Variants in ZNF395 observed in about 807,000 individuals in gnomAD.
The protein encoded by ZNF395 is HD gene regulatory region-binding protein 2.
ZNF395 carries 20 observed loss-of-function variants against 57.7 expected under a neutral mutation model. The observed-to-expected ratio is 0.35, with a 90% CI of 0.24 to 0.50. The LOEUF is 0.50. Ranked by LOEUF, ZNF395 falls within the 20% of genes least tolerant of loss-of-function variation. The pLI is 0.97. For synonymous variants in ZNF395, 295 were observed against 275.9 expected, an observed-to-expected ratio of 1.07 and a Z score of -0.69; for missense variants, 606 against 671.2, an observed-to-expected ratio of 0.90 and a Z score of 1.07.
chr8:28,374,481 T>A (rs1978677), intron 1 of ZNF395, among the ~76,000 whole-genome samples: 80,751 of 151,658 alleles, frequency 0.53, 24,274 homozygotes, highest in East Asian at 0.82. Flanking sequence ...ATTTTTTTTT[T>A]AAAAAGAAAA....
At chr8:28,376,185 G>C (rs1324032073) in intron 1 of ZNF395, among the ~76,000 whole-genome samples, 4 of 151,850 alleles carry the variant, frequency 2.6e-5, no homozygotes, top group Non-Finnish European at 5.9e-5. Flanking sequence ...ATGTTGCCCG[G>C]GCTGGTCTCG....
Position 28,356,862 on chromosome 8 carries a change from G to T in ZNF395, c.474-83C>A. On this transcript the variant is annotated intron_variant, in intron 3 of 9. Transcript: ENST00000344423. The surrounding 1 kb of genome is among the most constrained non-coding windows in gnomAD (Gnocchi z 4.0). ...CTTGCAAAACGAGACACCACTTCTG[G>T]CTGGTTTCACACAATCATCTTACAC... 8.9e-7 allele frequency: 1 copy of T among 1,123,530 alleles called. No homozygotes were observed. Among genetic ancestry groups the T allele is most frequent in the Non-Finnish European group, 1.3e-6 (1 of 776,418 alleles). 69.6% of individuals were successfully genotyped at this position (1,123,530 alleles called of 1,614,324 possible).
Position 28,352,062 on chromosome 8 carries a change from G to A in ZNF395, c.921-255C>T, listed in dbSNP as rs1258306548. ...TGTGCCAACCTCTCCTCTGGCAGGA[G>A]GCATCCCACACTGAGCACGACCACG... On this transcript the variant is annotated intron_variant, in intron 6 of 9. Transcript: ENST00000344423. This position sits in a 1 kb window ranked among gnomAD's most constrained non-coding sequence, Gnocchi z 4.0. Among the ~76,000 whole-genome samples the A allele has an allele frequency of 1.3e-5, 2 of 152,196 alleles. No individual in the cohort carries two copies. Among genetic ancestry groups the A allele is most frequent in the Non-Finnish European group, 1.5e-5 (1 of 68,020 alleles).
chr8:28,378,828 G>A (rs1281404495), intron 1 of ZNF395, among the ~76,000 whole-genome samples: 1 of 152,106 alleles, frequency 6.6e-6, no homozygotes, highest in Admixed American at 6.5e-5. Flanking sequence ...CTTGAATACC[G>A]CCAACAGCCG....
intron 1 of ZNF395, among the ~76,000 whole-genome samples, chr8:28,366,269 T>C (rs1205992881): frequency 6.6e-6 from 1 of 152,240 alleles, no homozygotes; most frequent in Admixed American, 6.5e-5. Flanking sequence ...TTTTATTATC[T>C]CCACCGGGTA....
Position 28,373,934 on chromosome 8 carries a change from A to G in ZNF395, c.-59+12459T>C, listed in dbSNP as rs550688037. 4.6e-5 allele frequency among the ~76,000 whole-genome samples: 7 copies of G among 152,338 alleles called. No homozygotes were observed. The South Asian group carries it at 1.4e-3, about 32-fold the overall frequency. On this transcript the variant is annotated intron_variant, in intron 1 of 9. Coordinates refer to ENST00000344423, the MANE Select transcript of ZNF395 (RefSeq NM_018660.3). ...CCATAATGCATCTTTGTTACAATGT[A>G]CAACTCAAGAACCCTACGGCCCAGC...
intron 1 of ZNF395, among the ~76,000 whole-genome samples, chr8:28,372,227 T>C (rs1801985362): frequency 6.6e-6 from 1 of 152,028 alleles, no homozygotes; most frequent in African/African-American, 2.4e-5. Flanking sequence ...TGCCTTGATT[T>C]TGTTAAGAGT....
intron 4 of ZNF395, among the ~76,000 whole-genome samples, chr8:28,353,622 A>G (rs146955091): frequency 1.8e-3 from 275 of 152,342 alleles, no homozygotes; most frequent in African/African-American, 6.0e-3. Context: ...TATAGGATTC[A>G]TACAAAGAGA....
chr8:28,379,591 C>T (rs1031822378), intron 1 of ZNF395, among the ~76,000 whole-genome samples: 11 of 152,284 alleles, frequency 7.2e-5, no homozygotes, highest in East Asian at 1.9e-4. Context: ...AAAATCCCAA[C>T]GCTTTTTTTC....
chr8:28,359,533 AC>A lies in ZNF395; in HGVS notation c.473+58del. 6.6e-7 allele frequency: 1 copy of A among 1,519,032 alleles called. No individual in the cohort carries two copies. The highest frequency in any genetic ancestry group is 1.3e-5 in the South Asian group (1 of 75,570). 94.1% of individuals were successfully genotyped at this position (1,519,032 alleles called of 1,614,324 possible). On this transcript the variant is annotated intron_variant, in intron 3 of 9. Coordinates refer to ENST00000344423, the MANE Select transcript of ZNF395 (RefSeq NM_018660.3). This position sits in a 1 kb window ranked among gnomAD's most constrained non-coding sequence, Gnocchi z 4.7. ...TCTTCCCCACCACAACACAGCCCAC[AC>A]CCTTACACCACACTACCCACGTGAC...
intron 4 of ZNF395, 69 bp from the exon 5 acceptor site, chr8:28,353,477 C>G: frequency 1.6e-6 from 2 of 1,258,126 alleles, no homozygotes; most frequent in Non-Finnish European, 2.2e-6. Flanking sequence ...CCCTTCTGAG[C>G]TTCGGTAAAC....
chr8:28,353,866 G>A (rs1383759644), intron 4 of ZNF395, among the ~76,000 whole-genome samples: 2 of 152,100 alleles, frequency 1.3e-5, no homozygotes, highest in African/African-American at 4.8e-5. Flanking sequence ...CCAGAGTGTT[G>A]GGTACCACCC....
intron 6 of ZNF395, 114 bp from the exon 7 acceptor site, chr8:28,351,921 G>C: frequency 7.7e-7 from 1 of 1,294,216 alleles, no homozygotes; most frequent in Non-Finnish European, 1.0e-6. Flanking sequence ...AGCCAGGGAC[G>C]GAGCCCAAGA....
intron 7 of ZNF395, among the ~76,000 whole-genome samples, chr8:28,350,396 G>C (rs1287092316): frequency 6.6e-6 from 1 of 152,170 alleles, no homozygotes; most frequent in African/African-American, 2.4e-5. Context: ...CCTCAGCGCT[G>C]GTCTACGTGC....
In ZNF395 at chr8:28,351,608, C is replaced by T; in HGVS notation, c.1120G>A (p.Ala374Thr). ...LSALPPPLHK[A>T]QSSGPEHPGP... is the part of the protein sequence containing the mutation. ...GGATGTTCTGGGCCGGAGGACTGGG[C>T]TTTGTGCAGAGGTGGTGGAAGAGCA... The change falls in exon 7 of 10, where the codon GCC (alanine) becomes ACC (threonine). Residue 374 changes from alanine to threonine, a missense_variant. Ala to Thr is a moderately conservative substitution (Grantham distance 58). Transcript: ENST00000344423. The T allele has an allele frequency of 6.2e-7, 1 of 1,613,608 alleles. No homozygotes were observed. The highest frequency in any genetic ancestry group is 1.7e-4 in the Middle Eastern group (1 of 6,058).
In ZNF395 at chr8:28,348,646, G is replaced by A. The variant is rs1801637774; in HGVS notation, c.*73C>T. On this transcript the variant is annotated 3_prime_UTR_variant, in exon 10 of 10. Coordinates refer to ENST00000344423, the MANE Select transcript of ZNF395 (RefSeq NM_018660.3). Reference sequence around the variant, plus strand: ...TCTTTCTCTTTCGGTTTCTGCTGAGGGCTGGTGACACACTGGCCTCTTGTC... The same window carrying A: ...TCTTTCTCTTTCGGTTTCTGCTGAGAGCTGGTGACACACTGGCCTCTTGTC... 2 of 1,352,140 alleles carry A rather than the reference G, an allele frequency of 1.5e-6. No individual in the cohort carries two copies. The highest frequency in any genetic ancestry group is 4.6e-5 in the East Asian group (2 of 43,602). The allele number at this position is 1,352,140 out of a possible 1,614,324, so 83.8% of individuals were successfully genotyped here.
chr8:28,348,400 G>A lies in ZNF395; in HGVS notation c.*319C>T. The A allele has an allele frequency of 6.1e-6, 2 of 328,772 alleles. No individual in the cohort carries two copies. The highest frequency in any genetic ancestry group is 2.6e-5 in the South Asian group (1 of 38,522). 20.4% of individuals were successfully genotyped at this position (328,772 alleles called of 1,614,324 possible). A position where few individuals can be genotyped will look rare whatever the true frequency, so the allele number is the denominator to read the frequency against. On this transcript the variant is annotated 3_prime_UTR_variant, in exon 10 of 10. Transcript: ENST00000344423. ...CTGTTCCTTCTTTTGACACGCACAAGCTAATCCCCTAGAGAGTGGGGATGT... is the reference window on the plus strand; with the variant it reads ...CTGTTCCTTCTTTTGACACGCACAAACTAATCCCCTAGAGAGTGGGGATGT...
chr8:28,384,084 C>A (rs75711892), intron 1 of ZNF395, among the ~76,000 whole-genome samples: 1,773 of 152,270 alleles, frequency 0.012, 37 homozygotes, highest in African/African-American at 0.039. Context: ...GATCCCAGTG[C>A]AAACTCTGGC....
chr8:28,362,098 A>AC (rs1395649205), intron 1 of ZNF395, among the ~76,000 whole-genome samples: 1 of 151,914 alleles, frequency 6.6e-6, no homozygotes, highest in African/African-American at 2.4e-5. Context: ...ACTCAAAAAA[A>AC]AAAAAAAGAA....
Sources: allele counts gnomAD v4.1 joint callset (sites outside exome capture counted in the v4.1 genomes callset), GRCh38; gene constraint gnomAD v4.1.1; non-coding constraint Gnocchi (gnomAD v3.1); transcripts MANE v1.5; gene names NCBI Gene and HGNC (gene_info 2026-07-23, HGNC 2026-07-21).